EPHA6: variants seen among roughly 807,000 people sequenced by gnomAD.
EPHA6 encodes EPH receptor A6, also known as ephrin type-A receptor 6.
In EPHA6, 50 loss-of-function variants were observed where a neutral mutation model predicts 112.0. That is an observed-to-expected ratio of 0.45 (90% confidence interval 0.36 to 0.56). The LOEUF (loss-of-function observed/expected upper bound fraction) is 0.56. Among genes scored for constraint, EPHA6 ranks in the 20% least tolerant of loss-of-function variants. EPHA6 has a pLI of 0.00. For missense variants in EPHA6, 1,280 were observed against 1,417.4 expected (o/e 0.90, Z 1.56); for synonymous variants, 529 against 490.7 (o/e 1.08, Z -1.03).
At chr3:97,505,519 C>T (rs934611231) in intron 10 of EPHA6, among the ~76,000 whole-genome samples, 11 of 152,164 alleles carry the variant, frequency 7.2e-5, no homozygotes, top group South Asian at 2.1e-4. Context: ...GACATGAACT[C>T]ATCCTTTTTT....
intron 3 of EPHA6, among the ~76,000 whole-genome samples, chr3:97,066,155 T>C (rs1008487114): frequency 2.0e-5 from 3 of 152,110 alleles, no homozygotes; most frequent in African/African-American, 7.2e-5. Flanking sequence ...ACCTAGTGCA[T>C]TTAATTTTTA....
At chr3:96,899,109 G>A (rs1398426593) in intron 2 of EPHA6, among the ~76,000 whole-genome samples, 4 of 151,316 alleles carry the variant, frequency 2.6e-5, no homozygotes, top group Non-Finnish European at 4.4e-5. Context: ...AGTCTGAAAC[G>A]AAGGTATTGG....
chr3:97,199,739 A>G (rs1459848686), intron 3 of EPHA6, among the ~76,000 whole-genome samples: 2 of 152,276 alleles, frequency 1.3e-5, no homozygotes, highest in South Asian at 2.1e-4. Flanking sequence ...TCCTTCCAGA[A>G]AAAACAAACA....
chr3:96,846,673 G>T (rs1346418268), intron 1 of EPHA6, among the ~76,000 whole-genome samples: 1 of 151,898 alleles, frequency 6.6e-6, no homozygotes, highest in Non-Finnish European at 1.5e-5. Context: ...CTTCCCATTT[G>T]GTTCAGTGAA....
At chr3:97,747,152 G>A (rs2035751398) in intron 16 of EPHA6, among the ~76,000 whole-genome samples, 1 of 151,468 alleles carries the variant, frequency 6.6e-6, no homozygotes, top group Non-Finnish European at 1.5e-5. Context: ...CCATCATAAA[G>A]AAATTAAAAA....
chr3:96,926,026 G>C (rs1027196331), intron 2 of EPHA6, among the ~76,000 whole-genome samples: 5 of 151,996 alleles, frequency 3.3e-5, no homozygotes, highest in Non-Finnish European at 4.4e-5. Context: ...TCTTGTAGTA[G>C]TTCATTTTCA....
In EPHA6 at chr3:97,637,888, T is replaced by C; in HGVS notation, c.2590T>C (p.Phe864Leu). ...DSFLRKHDGH[F>L]TVIQLVGMLR... is the part of the protein sequence containing the mutation. ...TCTCTTGCAGAAGCATGATGGCCAC[T>C]TCACAGTCATCCAGTTGGTCGGAAT... is the stretch of plus-strand genomic sequence containing the variant. Residue 864 changes from phenylalanine to leucine, a missense_variant, in exon 14 of 18, where the codon TTC becomes CTC. Around this residue, in one of 4 missense-constraint regions of EPHA6, gnomAD observed 878 missense variants for 999.7 expected, o/e 0.88. Coordinates refer to ENST00000389672, the MANE Select transcript of EPHA6 (RefSeq NM_001080448.3). 1 of 1,613,850 alleles carries C rather than the reference T, an allele frequency of 6.2e-7. No homozygotes were observed. The highest frequency in any genetic ancestry group is 1.1e-5 in the South Asian group (1 of 91,082).
At chr3:97,594,982 C>G (rs1336095282) in intron 12 of EPHA6, among the ~76,000 whole-genome samples, 1 of 152,168 alleles carries the variant, frequency 6.6e-6, no homozygotes, top group Non-Finnish European at 1.5e-5. Flanking sequence ...TAATTTAGTT[C>G]TCAATTACTT....
chr3:97,521,606 C>T (rs2092544289), intron 10 of EPHA6, among the ~76,000 whole-genome samples: 1 of 152,118 alleles, frequency 6.6e-6, no homozygotes, highest in Admixed American at 6.5e-5. Flanking sequence ...AAACCACCCC[C>T]ATTATTCAAT....
intron 3 of EPHA6, among the ~76,000 whole-genome samples, chr3:96,995,481 A>T (rs60056103): frequency 1.3e-5 from 2 of 152,092 alleles, no homozygotes; most frequent in South Asian, 4.1e-4. Flanking sequence ...TATCTTGAAA[A>T]GAATGTGAAA....
rs1362371973 is a variant in EPHA6 at position 97,054,235 on chromosome 3, A to C, written c.1114+66242A>C. Among the ~76,000 whole-genome samples, 3 of 152,008 alleles carry C rather than the reference A, an allele frequency of 2.0e-5. No homozygotes were observed. The East Asian group carries it at 5.8e-4, about 29-fold the overall frequency. The stretch of plus-strand genomic sequence containing the variant: ...ACTACCTGAATCCCTAAAAAGAGAT[A>C]GTTTATCAAGATTTACAAATTTAAT... On this transcript the variant is annotated intron_variant, in intron 3 of 17. Transcript: ENST00000389672.
In EPHA6 at chr3:97,553,162, T is replaced by C. The variant is rs138791075; in HGVS notation, c.2386+20619T>C. ...AACAACAAAAATCCAGTCTTCACTT[T>C]GGCATATGAGATGATCTGTATCCTG... On this transcript the variant is annotated intron_variant, in intron 11 of 17. Transcript: ENST00000389672. Among the ~76,000 whole-genome samples, 125 of 152,234 alleles carry C rather than the reference T, an allele frequency of 8.2e-4. 2 individuals carry two copies. Among genetic ancestry groups the C allele is most frequent in the African/African-American group, 2.9e-3 (121 of 41,556 alleles).
At chr3:97,455,709 T>G (rs1344378484) in intron 7 of EPHA6, among the ~76,000 whole-genome samples, 1 of 152,058 alleles carries the variant, frequency 6.6e-6, no homozygotes, top group Non-Finnish European at 1.5e-5. Context: ...TCTGGATTAA[T>G]GTACACATGG....
intron 3 of EPHA6, among the ~76,000 whole-genome samples, chr3:97,190,278 C>A (rs569073821): frequency 9.2e-5 from 14 of 152,224 alleles, no homozygotes; most frequent in African/African-American, 3.1e-4. Context: ...TAACTACCAA[C>A]ATATTTATGT....
intron 2 of EPHA6, among the ~76,000 whole-genome samples, chr3:96,880,206 T>C (rs2037228333): frequency 6.6e-6 from 1 of 152,170 alleles, no homozygotes; most frequent in Non-Finnish European, 1.5e-5. Flanking sequence ...TACCTTGATT[T>C]GATTATTACA....
At chr3:97,395,660 C>A (rs1299409266) in intron 5 of EPHA6, among the ~76,000 whole-genome samples, 1 of 151,538 alleles carries the variant, frequency 6.6e-6, no homozygotes, top group Admixed American at 6.6e-5. Flanking sequence ...TAGTATTATT[C>A]TTTATTGACA....
intron 8 of EPHA6, among the ~76,000 whole-genome samples, chr3:97,476,105 C>G (rs918256855): frequency 1.3e-5 from 2 of 151,936 alleles, no homozygotes; most frequent in African/African-American, 4.8e-5. Flanking sequence ...TACCATAATC[C>G]AGGTGCTGAT....
chr3:97,669,299 A>T (rs2030529870), intron 14 of EPHA6, among the ~76,000 whole-genome samples: 1 of 149,640 alleles, frequency 6.7e-6, no homozygotes, highest in African/African-American at 2.5e-5. Flanking sequence ...GTTATCCTTT[A>T]TGTTACCTTG....
At chr3:97,335,508 C>A (rs2083014884) in intron 5 of EPHA6, among the ~76,000 whole-genome samples, 1 of 152,130 alleles carries the variant, frequency 6.6e-6, no homozygotes, top group Non-Finnish European at 1.5e-5. Flanking sequence ...TTCTCCACAG[C>A]AATTTTCTTT....
Sources: allele counts gnomAD v4.1 joint callset (sites outside exome capture counted in the v4.1 genomes callset), GRCh38; gene constraint gnomAD v4.1.1; regional missense constraint gnomAD v4.1.1; transcripts MANE v1.5; gene names NCBI Gene and HGNC (gene_info 2026-07-23, HGNC 2026-07-21).